ATRAID: variants seen among roughly 807,000 people sequenced by gnomAD.
ATRAID encodes all-trans retinoic acid-induced differentiation factor.
In ATRAID, 26 loss-of-function variants were observed where a neutral mutation model predicts 28.8. That is an observed-to-expected ratio of 0.90 (90% CI 0.66 to 1.25). ATRAID has a LOEUF of 1.25. Ranked by LOEUF, ATRAID falls within the 50% of genes most tolerant of loss-of-function variation. ATRAID has a pLI of 0.00. For missense variants in ATRAID, 308 were observed against 285.9 expected, an observed-to-expected ratio of 1.08 and a Z score of -0.56; for synonymous variants, 131 against 108.5, an observed-to-expected ratio of 1.21 and a Z score of -1.29.
intron 5 of ATRAID, chr2:27,216,280 TTTC>T: frequency 2.0e-6 from 1 of 491,368 alleles, no homozygotes; most frequent in Non-Finnish European, 3.7e-6. Flanking sequence ...GCTATTTTCA[TTTC>T]TTTTGTGGAT....
chr2:27,212,161 G>A lies in ATRAID; in HGVS notation c.-208G>A, dbSNP rs761885835. ...GGAGGCCTTCACTAAAGGGGAAAAG[G>A]AAGAGGGGGTCGGCCAGTATCCCCG... is the stretch of plus-strand genomic sequence containing the variant. On this transcript the variant is annotated 5_prime_UTR_variant, in exon 1 of 7. Coordinates refer to ENST00000380171, the MANE Select transcript of ATRAID (RefSeq NM_001170795.4). 9.1e-6 allele frequency: 14 copies of A among 1,536,134 alleles called. No homozygotes were observed. The African/African-American group carries it at 2.0e-4, about 21-fold the overall frequency.
In ATRAID at chr2:27,212,392, T is replaced by C. The variant is rs915873588; in HGVS notation, c.24T>C (p.Ser8=). The C allele has an allele frequency of 3.9e-6, 6 of 1,550,718 alleles. No individual in the cohort carries two copies. In the African/African-American group the frequency reaches 5.5e-5, roughly 14 times the overall value. The change falls in exon 1 of 7, where the codon AGT becomes AGC. Residue 8 remains serine, a synonymous_variant. Transcript: ENST00000380171. MAPHDPG[S]LTTLVPWAAA... is the part of the protein sequence containing the mutation. ...AAATGGCGCCTCACGACCCGGGTAG[T>C]CTTACGACCCTGGTGCCCTGGGCTG...
At position 27,216,969 on chromosome 2, in the gene ATRAID, G is replaced by A; in HGVS notation, c.*21G>A. On this transcript the variant is annotated 3_prime_UTR_variant, in exon 7 of 7. Transcript: ENST00000380171. ...CATGAACTACATAGGTCTTACCATT[G>A]ACCTAAGATCAATCTGAACTATCTT... is the stretch of plus-strand genomic sequence containing the variant. The A allele has an allele frequency of 6.3e-7, 1 of 1,575,154 alleles. No individual in the cohort carries two copies. The highest frequency in any genetic ancestry group is 1.1e-5 in the South Asian group (1 of 89,666).
At position 27,215,355 on chromosome 2, in the gene ATRAID, G is replaced by C; in HGVS notation, c.256G>C (p.Gly86Arg). The C allele has an allele frequency of 1.9e-6, 3 of 1,614,128 alleles. No individual in the cohort carries two copies. Among genetic ancestry groups the C allele is most frequent in the Non-Finnish European group, 1.7e-6 (2 of 1,180,020 alleles). Residue 86 changes from glycine to arginine, a missense_variant, in exon 3 of 7, where the codon GGT becomes CGT. By Grantham distance (125) the Gly-to-Arg change is moderately radical. Transcript: ENST00000380171. ...DLQNCSLEDP[G>R]PNFHQAHTTV... is the part of the protein sequence containing the mutation. ...CCAGAACTGTTCTCTGGAGGACCCT[G>C]GTCCAAACTTTCATCAGGCACATAC...
intron 6 of ATRAID, 67 bp from the exon 7 acceptor site, chr2:27,216,777 C>T (rs1674859745): frequency 1.4e-6 from 2 of 1,478,450 alleles, no homozygotes; most frequent in African/African-American, 2.8e-5. Context: ...TAGGAAAGAA[C>T]TAGGTGTTAG....
intron 2 of ATRAID, among the ~76,000 whole-genome samples, chr2:27,214,217 C>T (rs1384289179): frequency 6.6e-6 from 1 of 152,086 alleles, no homozygotes; most frequent in Non-Finnish European, 1.5e-5. Flanking sequence ...ACTCAAAGGC[C>T]AAAATACTGT....
At position 27,213,161 on chromosome 2, in the gene ATRAID, T is replaced by C; in HGVS notation, c.100-16T>C. 1 of 1,608,284 alleles carries C rather than the reference T, an allele frequency of 6.2e-7. No homozygotes were observed. Among genetic ancestry groups the C allele is most frequent in the South Asian group, 1.1e-5 (1 of 90,456 alleles). ...CTTTTCTTTCTGGAGTTCTAATGTT[T>C]CTTTCTCTTCTGCAGATATGCACCC... On this transcript the variant is annotated splice_polypyrimidine_tract_variant and intron_variant, in intron 1 of 6. Transcript: ENST00000380171.
chr2:27,213,433 A>G, intron 2 of ATRAID, 135 bp downstream of exon 2: 2 of 1,159,958 alleles, frequency 1.7e-6, no homozygotes, highest in Non-Finnish European at 2.3e-6. Flanking sequence ...TACCAAAACT[A>G]GATCTCTTTA....
chr2:27,217,122 G>T lies in ATRAID; in HGVS notation c.*174G>T. On this transcript the variant is annotated 3_prime_UTR_variant, in exon 7 of 7. Coordinates refer to ENST00000380171, the MANE Select transcript of ATRAID (RefSeq NM_001170795.4). ...GTGTAGACAAATACCAGTTCCCATTGGTGTTGTTGCCTATAATAAACACTT... is the reference window on the plus strand; with the variant it reads ...GTGTAGACAAATACCAGTTCCCATTTGTGTTGTTGCCTATAATAAACACTT... The T allele has an allele frequency of 3.6e-6, 2 of 561,492 alleles. No homozygotes were observed. Among genetic ancestry groups the T allele is most frequent in the South Asian group, 2.5e-5 (1 of 40,090 alleles). The allele number at this position is 561,492 out of a possible 1,614,324, so 34.8% of individuals were successfully genotyped here.
intron 4 of ATRAID, 26 bp downstream of exon 4, chr2:27,215,571 C>G: frequency 6.2e-7 from 1 of 1,614,174 alleles, no homozygotes; most frequent in Admixed American, 1.7e-5. Flanking sequence ...GGAAGAGAAT[C>G]AAAGAGGGAT....
At chr2:27,212,804 T>A in intron 1 of ATRAID, 1 of 585,036 alleles carries the variant, frequency 1.7e-6, no homozygotes, top group Non-Finnish European at 2.7e-6. Context: ...GCTGTACTTT[T>A]GTAATGCTTG....
rs1274336481 is a variant in ATRAID, at chr2:27,212,325, C to G, written c.-44C>G. ...CCTGACGCGCTGCGGGGCGGGGCCG[C>G]GGGGCCGGGTCGCGCGAGCAGCGGA... On this transcript the variant is annotated 5_prime_UTR_variant, in exon 1 of 7. Transcript: ENST00000380171. The G allele has an allele frequency of 3.2e-6, 5 of 1,549,204 alleles. No homozygotes were observed. The African/African-American group carries it at 4.1e-5, about 13-fold the overall frequency.
intron 2 of ATRAID, among the ~76,000 whole-genome samples, chr2:27,213,707 C>T (rs919580863): frequency 6.6e-6 from 1 of 152,142 alleles, no homozygotes; most frequent in African/African-American, 2.4e-5. Context: ...AAGTACCATA[C>T]TAGTCCCAAC....
chr2:27,212,355 C>G lies in ATRAID; in HGVS notation c.-14C>G, dbSNP rs376559066. 4.5e-6 allele frequency: 7 copies of G among 1,550,248 alleles called. No individual in the cohort carries two copies. The highest frequency in any genetic ancestry group is 5.2e-6 in the Non-Finnish European group (6 of 1,146,696). On this transcript the variant is annotated 5_prime_UTR_variant, in exon 1 of 7. Transcript: ENST00000380171. Reference sequence around the variant, plus strand: ...CCGGGTCGCGCGAGCAGCGGAGCACCAAGGGAACGGAAAATGGCGCCTCAC... The same window carrying G: ...CCGGGTCGCGCGAGCAGCGGAGCACGAAGGGAACGGAAAATGGCGCCTCAC...
rs1318796588 is a variant in ATRAID at position 27,212,267 on chromosome 2, C to T, written c.-102C>T. The T allele has an allele frequency of 1.3e-6, 2 of 1,557,048 alleles. No homozygotes were observed. The highest frequency in any genetic ancestry group is 1.7e-6 in the Non-Finnish European group (2 of 1,150,774). ...CCCAAGCAGCCCCAGGGCGACTGGA[C>T]CGGGCCGCTTAGGCCACGCCCGGGG... On this transcript the variant is annotated 5_prime_UTR_variant, in exon 1 of 7. Coordinates refer to ENST00000380171, the MANE Select transcript of ATRAID (RefSeq NM_001170795.4).
chr2:27,215,686 C>T lies in ATRAID; in HGVS notation c.420C>T (p.Ile140=). Residue 140 remains isoleucine (I), a synonymous_variant, in exon 5 of 7, where the codon ATC becomes ATT. Coordinates refer to ENST00000380171, the MANE Select transcript of ATRAID (RefSeq NM_001170795.4). ...GAGGAATTAATGCCTGGAATACTAT[C>T]ACCTCTTATATAGACAACCAAATCT... ...CPGGINAWNT[I]TSYIDNQICQ... The T allele has an allele frequency of 6.2e-7, 1 of 1,614,242 alleles. No individual in the cohort carries two copies.
At chr2:27,214,863 G>A (rs1430063612) in intron 2 of ATRAID, among the ~76,000 whole-genome samples, 2 of 152,204 alleles carry the variant, frequency 1.3e-5, no homozygotes, top group East Asian at 3.8e-4. Flanking sequence ...AAAGGAAAAT[G>A]TTCCGTATCT....
chr2:27,212,333 G>A lies in ATRAID; in HGVS notation c.-36G>A. The stretch of plus-strand genomic sequence containing the variant: ...GCTGCGGGGCGGGGCCGCGGGGCCG[G>A]GTCGCGCGAGCAGCGGAGCACCAAG... On this transcript the variant is annotated 5_prime_UTR_variant, in exon 1 of 7. Coordinates refer to ENST00000380171, the MANE Select transcript of ATRAID (RefSeq NM_001170795.4). 1 of 1,549,418 alleles carries A rather than the reference G, an allele frequency of 6.5e-7. No individual in the cohort carries two copies. Among genetic ancestry groups the A allele is most frequent in the Non-Finnish European group, 8.7e-7 (1 of 1,146,282 alleles).
chr2:27,215,363 C>CT lies in ATRAID; in HGVS notation c.267dup (p.His90SerfsTer19). The CT allele has an allele frequency of 6.2e-7, 1 of 1,614,200 alleles. No homozygotes were observed. Among genetic ancestry groups the CT allele is most frequent in the Non-Finnish European group, 8.5e-7 (1 of 1,180,040 alleles). ...GTTCTCTGGAGGACCCTGGTCCAAA[C>CT]TTTCATCAGGCACATACCACTGTCA... On this transcript the variant is annotated frameshift_variant, in exon 3 of 7. Transcript: ENST00000380171. LOFTEE classifies it high-confidence loss of function.
Sources: allele counts gnomAD v4.1 joint callset (sites outside exome capture counted in the v4.1 genomes callset), GRCh38; gene constraint gnomAD v4.1.1; transcripts MANE v1.5; gene names NCBI Gene and HGNC (gene_info 2026-07-23, HGNC 2026-07-21).